RGL1: variants seen among roughly 807,000 people sequenced by gnomAD.
RGL1 encodes ral guanine nucleotide dissociation stimulator like 1.
In RGL1, 24 loss-of-function variants were observed where a neutral mutation model predicts 95.2. The ratio of observed to expected loss-of-function variants is 0.25; its 90% confidence interval spans 0.18 to 0.35. The LOEUF is 0.35. Ranked by LOEUF, RGL1 falls within the 10% of genes least tolerant of loss-of-function variation. The pLI, the probability that RGL1 is intolerant of heterozygous loss-of-function variation, is 1.00. For missense variants in RGL1, 715 were observed against 936.3 expected, an observed-to-expected ratio of 0.76 and a Z score of 3.08; for synonymous variants, 329 against 344.9, an observed-to-expected ratio of 0.95 and a Z score of 0.51.
At chr1:183,860,909 G>C (rs1045564053) in intron 3 of RGL1, among the ~76,000 whole-genome samples, 8 of 151,312 alleles carry the variant, frequency 5.3e-5, no homozygotes, top group African/African-American at 1.9e-4. Flanking sequence ...AAGAATGAAT[G>C]ATGGAATAAA....
chr1:183,869,267 C>T (rs1236477249), intron 4 of RGL1, among the ~76,000 whole-genome samples: 1 of 152,158 alleles, frequency 6.6e-6, no homozygotes, highest in Non-Finnish European at 1.5e-5. Context: ...AAGTCTCATT[C>T]GAATTCGTTG....
chr1:183,659,565 C>A (rs1163259019), intron 1 of RGL1, among the ~76,000 whole-genome samples: 1 of 152,060 alleles, frequency 6.6e-6, no homozygotes, highest in Non-Finnish European at 1.5e-5. Flanking sequence ...TGTGAAAAGA[C>A]CAAATCTACG....
At chr1:183,650,273 G>C (rs1484875771) in intron 1 of RGL1, among the ~76,000 whole-genome samples, 1 of 148,366 alleles carries the variant, frequency 6.7e-6, no homozygotes, top group African/African-American at 2.6e-5. Flanking sequence ...GCCAGGCGTG[G>C]TGGCTCACGC....
intron 2 of RGL1, among the ~76,000 whole-genome samples, chr1:183,839,803 T>A (rs565480361): frequency 2.6e-4 from 39 of 152,146 alleles, no homozygotes; most frequent in Non-Finnish European, 7.4e-5. Context: ...GCCACACATT[T>A]TCCCCCTGTA....
intron 1 of RGL1, among the ~76,000 whole-genome samples, chr1:183,652,188 G>T (rs1650809485): frequency 6.6e-6 from 1 of 152,318 alleles, no homozygotes; most frequent in African/African-American, 2.4e-5. Flanking sequence ...GGAAACAAAA[G>T]TCTTTGTGTG....
At chr1:183,738,058 G>T (rs1158091107) in intron 1 of RGL1, among the ~76,000 whole-genome samples, 1 of 152,200 alleles carries the variant, frequency 6.6e-6, no homozygotes, top group Non-Finnish European at 1.5e-5. Flanking sequence ...TGATGATTCT[G>T]TTGAAGGGGC....
At chr1:183,657,921 T>G (rs1000387231) in intron 1 of RGL1, among the ~76,000 whole-genome samples, 3 of 152,228 alleles carry the variant, frequency 2.0e-5, no homozygotes, top group Non-Finnish European at 4.4e-5. Context: ...TGTAAAAGTG[T>G]TTCAATTTCT....
At chr1:183,784,494 G>A (rs1196895722) in intron 2 of RGL1, among the ~76,000 whole-genome samples, 1 of 152,218 alleles carries the variant, frequency 6.6e-6, no homozygotes. Flanking sequence ...TTCCAAGCCA[G>A]GAGTCAGACC....
At chr1:183,787,134 G>C (rs1000898137) in intron 2 of RGL1, among the ~76,000 whole-genome samples, 4 of 152,248 alleles carry the variant, frequency 2.6e-5, no homozygotes, top group Non-Finnish European at 5.9e-5. Context: ...TAATGAGAGA[G>C]TGAGCAAGAG....
At chr1:183,811,939 T>G (rs1661745673) in intron 2 of RGL1, among the ~76,000 whole-genome samples, 1 of 152,158 alleles carries the variant, frequency 6.6e-6, no homozygotes, top group Non-Finnish European at 1.5e-5. Context: ...CCTCTTGGAG[T>G]TTTACTCTTA....
Position 183,887,095 on chromosome 1 carries a change from T to C in RGL1, c.952-1379T>C, listed in dbSNP as rs568581240. 2.6e-5 allele frequency among the ~76,000 whole-genome samples: 4 copies of C among 151,760 alleles called. No individual in the cohort carries two copies. In the East Asian group the frequency reaches 7.7e-4, roughly 29 times the overall value. On this transcript the variant is annotated intron_variant, in intron 7 of 17. Coordinates refer to ENST00000360851, the MANE Select transcript of RGL1 (RefSeq NM_001297671.3). Reference sequence around the variant, plus strand: ...ACTTTTGTGAACCTTTGTTGAACCATGCTCCCATAGGCTTAGTTTCCAGAT... The same window carrying C: ...ACTTTTGTGAACCTTTGTTGAACCACGCTCCCATAGGCTTAGTTTCCAGAT...
intron 10 of RGL1, among the ~76,000 whole-genome samples, chr1:183,898,280 A>T (rs1338817306): frequency 2.6e-5 from 4 of 152,196 alleles, no homozygotes; most frequent in Non-Finnish European, 4.4e-5. Flanking sequence ...CTTCTGATAC[A>T]TGGTGACCAA....
chr1:183,795,009 T>A (rs1418345796), intron 2 of RGL1, among the ~76,000 whole-genome samples: 1 of 152,204 alleles, frequency 6.6e-6, no homozygotes, highest in Non-Finnish European at 1.5e-5. Flanking sequence ...TTTATTTATA[T>A]CATTCAACTA....
chr1:183,770,879 T>C (rs1659239811), intron 2 of RGL1, among the ~76,000 whole-genome samples: 1 of 152,276 alleles, frequency 6.6e-6, no homozygotes, highest in East Asian at 1.9e-4. Context: ...AAAGAAACCA[T>C]AAAGATCAGT....
At chr1:183,827,587 G>C (rs1306048733) in intron 2 of RGL1, among the ~76,000 whole-genome samples, 1 of 152,228 alleles carries the variant, frequency 6.6e-6, no homozygotes, top group African/African-American at 2.4e-5. Context: ...TTTGAAAAAT[G>C]CTGTATTTTC....
chr1:183,759,203 C>T (rs144882308), intron 2 of RGL1, among the ~76,000 whole-genome samples: 164 of 152,238 alleles, frequency 1.1e-3, no homozygotes, highest in African/African-American at 3.8e-3. Context: ...TGGGAAGACA[C>T]GATTGTGGTC....
chr1:183,662,905 C>A (rs1384959855), intron 1 of RGL1, among the ~76,000 whole-genome samples: 2 of 152,136 alleles, frequency 1.3e-5, no homozygotes, highest in African/African-American at 4.8e-5. Context: ...ACAAATAACG[C>A]CGCATATCTA....
At position 183,922,225 on chromosome 1, in the gene RGL1, A is replaced by G. The variant is rs1669345664; in HGVS notation, c.2008A>G (p.Thr670Ala). The G allele has an allele frequency of 6.2e-7, 1 of 1,613,954 alleles. No individual in the cohort carries two copies. Among genetic ancestry groups the G allele is most frequent in the Non-Finnish European group, 8.5e-7 (1 of 1,179,860 alleles). ...AACCTGTTCATTGTCTTTGCAGTTG[A>G]CGAGCCAGGATAAAACCCCCGCTGT... ...NGNMYKSIML[T>A]SQDKTPAVIQ... Residue 670 changes from threonine (T) to alanine (A), a missense_variant, in exon 17 of 18, where the codon ACG becomes GCG. By Grantham distance (58) the Thr-to-Ala change is moderately conservative. Coordinates refer to ENST00000360851, the MANE Select transcript of RGL1 (RefSeq NM_001297671.3).
intron 2 of RGL1, among the ~76,000 whole-genome samples, chr1:183,820,514 C>T (rs759583690): frequency 1.3e-5 from 2 of 152,084 alleles, no homozygotes; most frequent in South Asian, 2.1e-4. Flanking sequence ...ATGTGACAAA[C>T]GTGCAGTGGA....
Sources: allele counts gnomAD v4.1 joint callset (sites outside exome capture counted in the v4.1 genomes callset), GRCh38; gene constraint gnomAD v4.1.1; transcripts MANE v1.5; gene names NCBI Gene and HGNC (gene_info 2026-07-23, HGNC 2026-07-21).